PRDM16: variants seen among roughly 807,000 people sequenced by gnomAD.
The protein encoded by PRDM16 is PR/SET domain 16.
In PRDM16, 23 loss-of-function variants were observed where a neutral mutation model predicts 110.6. That is an observed-to-expected ratio of 0.21 (90% CI 0.15 to 0.29). The LOEUF (loss-of-function observed/expected upper bound fraction) is 0.29. Ranked by LOEUF, PRDM16 falls within the 10% of genes least tolerant of loss-of-function variation. PRDM16 has a pLI of 1.00. For missense variants in PRDM16, 1,615 were observed against 1,794.3 expected, an observed-to-expected ratio of 0.90 and a Z score of 1.81; for synonymous variants, 799 against 781.8, an observed-to-expected ratio of 1.02 and a Z score of -0.37.
intron 1 of PRDM16, among the ~76,000 whole-genome samples, chr1:3,117,122 C>T (rs568840749): frequency 6.6e-6 from 1 of 152,316 alleles, no homozygotes; most frequent in African/African-American, 2.4e-5. Context: ...GGAGCCCCTC[C>T]TGCGTGCTCT....
intron 2 of PRDM16, among the ~76,000 whole-genome samples, chr1:3,234,540 C>T (rs979553149): frequency 2.0e-5 from 3 of 152,176 alleles, no homozygotes; most frequent in Non-Finnish European, 4.4e-5. Flanking sequence ...GGCCCTGAGC[C>T]TGTCAGGGTG....
intron 3 of PRDM16, among the ~76,000 whole-genome samples, chr1:3,333,531 G>A (rs1570092031): frequency 1.3e-5 from 2 of 152,184 alleles, no homozygotes; most frequent in Non-Finnish European, 2.9e-5. Flanking sequence ...CACGGTGAGG[G>A]AGGAAAGATC....
At position 3,425,792 on chromosome 1, in the gene PRDM16, G is replaced by T. The variant is rs373393436; in HGVS notation, c.3109+42G>T. On this transcript the variant is annotated intron_variant, in intron 13 of 16. Transcript: ENST00000270722. The surrounding 1 kb of genome is among the most constrained non-coding windows in gnomAD (Gnocchi z 6.9). ...GGGGCAGCCCCCAGAGCACCCACAC[G>T]GGCAGGCCCCACAGAGGGGGAGGGG... is the stretch of plus-strand genomic sequence containing the variant. 12 of 1,608,498 alleles carry T rather than the reference G, an allele frequency of 7.5e-6. No individual in the cohort carries two copies. The highest frequency in any genetic ancestry group is 7.6e-6 in the Non-Finnish European group (9 of 1,176,926).
At chr1:3,240,064 AGG>A (rs1464372202) in intron 2 of PRDM16, among the ~76,000 whole-genome samples, 6 of 65,100 alleles carry the variant, frequency 9.2e-5, no homozygotes, top group Admixed American at 2.8e-4. Flanking sequence ...AGAAGAGGAG[AGG>A]AGAGGAGAGG....
At chr1:3,316,581 G>A (rs967763288) in intron 3 of PRDM16, among the ~76,000 whole-genome samples, 3 of 152,222 alleles carry the variant, frequency 2.0e-5, no homozygotes, top group African/African-American at 7.2e-5. Context: ...CATTGATACA[G>A]GGTAGACAGG....
At chr1:3,139,944 C>G (rs1199746948) in intron 1 of PRDM16, among the ~76,000 whole-genome samples, 1 of 152,256 alleles carries the variant, frequency 6.6e-6, no homozygotes, top group Non-Finnish European at 1.5e-5. Flanking sequence ...TGAGCCCTGA[C>G]AGCCCACTCT....
Position 3,350,272 on chromosome 1 carries a change from G to C in PRDM16, c.439-34880G>C, listed in dbSNP as rs561636541. On this transcript the variant is annotated intron_variant, in intron 3 of 16. Coordinates refer to ENST00000270722, the MANE Select transcript of PRDM16 (RefSeq NM_022114.4). The surrounding 1 kb of genome is among the most constrained non-coding windows in gnomAD (Gnocchi z 7.1). Reference sequence around the variant, plus strand: ...GCTCAGGAGGTCCGGGCTACAGAGAGCTGTGATCACACCACTATACTCCAG... The same window carrying C: ...GCTCAGGAGGTCCGGGCTACAGAGACCTGTGATCACACCACTATACTCCAG... Among the ~76,000 whole-genome samples, 1 of 152,340 alleles carries C rather than the reference G, an allele frequency of 6.6e-6. No homozygotes were observed. The highest frequency in any genetic ancestry group is 1.9e-4 in the East Asian group (1 of 5,178).
At chr1:3,347,031 A>G (rs140749078) in intron 3 of PRDM16, among the ~76,000 whole-genome samples, 101 of 152,248 alleles carry the variant, frequency 6.6e-4, no homozygotes, top group Middle Eastern at 6.8e-3. Context: ...AGCTTGGGAC[A>G]CCCATGAAGT....
chr1:3,387,552 C>T (rs1035373394), intron 4 of PRDM16, among the ~76,000 whole-genome samples: 2 of 152,212 alleles, frequency 1.3e-5, no homozygotes, highest in African/African-American at 4.8e-5. Flanking sequence ...TCATAGGTAG[C>T]ACAGCCGGTG....
At chr1:3,319,272 C>T (rs1393339136) in intron 3 of PRDM16, among the ~76,000 whole-genome samples, 1 of 152,202 alleles carries the variant, frequency 6.6e-6, no homozygotes, top group Non-Finnish European at 1.5e-5. Context: ...TGGGATCCTC[C>T]TCTCCCTTCT....
In PRDM16 at chr1:3,200,488, G is replaced by A. The variant is rs553848146; in HGVS notation, c.387+14014G>A. Among the ~76,000 whole-genome samples, 24 of 152,228 alleles carry A rather than the reference G, an allele frequency of 1.6e-4. No individual in the cohort carries two copies. The South Asian group carries it at 3.3e-3, about 21-fold the overall frequency. On this transcript the variant is annotated intron_variant, in intron 2 of 16. Coordinates refer to ENST00000270722, the MANE Select transcript of PRDM16 (RefSeq NM_022114.4). ...CTCCCGAGTAGCTGGGACTACAGGC[G>A]CCCGCCACCACGCCTGGCTAATTTT...
chr1:3,087,787 C>T (rs909791625), intron 1 of PRDM16, among the ~76,000 whole-genome samples: 3 of 152,112 alleles, frequency 2.0e-5, no homozygotes, highest in Admixed American at 6.5e-5. Context: ...TTTTACTCTT[C>T]TTTTTTTCAC....
At chr1:3,385,908 C>T (rs1045192897) in intron 4 of PRDM16, among the ~76,000 whole-genome samples, 4 of 152,236 alleles carry the variant, frequency 2.6e-5, no homozygotes, top group African/African-American at 9.6e-5. Flanking sequence ...GATCCTTGAC[C>T]TCCACGGCTG....
chr1:3,389,202 G>T (rs759742263), intron 4 of PRDM16, among the ~76,000 whole-genome samples: 1 of 152,200 alleles, frequency 6.6e-6, no homozygotes, highest in Non-Finnish European at 1.5e-5. Context: ...CCCGGAGCTT[G>T]AAAAGGCTCA....
intron 2 of PRDM16, among the ~76,000 whole-genome samples, chr1:3,210,510 G>A (rs901070202): frequency 1.4e-4 from 22 of 152,362 alleles, no homozygotes; most frequent in African/African-American, 3.8e-4. Context: ...CTGTGCACGC[G>A]TGTGACTTTC....
At chr1:3,421,933 C>CAGACAGACAGGCAGGCGGACAGACAGGA (rs1365159946) in intron 12 of PRDM16, among the ~76,000 whole-genome samples, 1 of 53,470 alleles carries the variant, frequency 1.9e-5, no homozygotes, top group Non-Finnish European at 6.1e-5. Flanking sequence ...GACAGGCAGG[C>CAGACAGACAGGCAGGCGGACAGACAGGA]AGACAGACAG....
At chr1:3,181,184 G>GTCTTACGGTCTTACACACA (rs1644163406) in intron 1 of PRDM16, among the ~76,000 whole-genome samples, 1 of 123,412 alleles carries the variant, frequency 8.1e-6, no homozygotes, top group Non-Finnish European at 1.7e-5. Flanking sequence ...TCTTACACAC[G>GTCTTACGGTCTTACACACA]CAGTCTTACG....
intron 1 of PRDM16, among the ~76,000 whole-genome samples, chr1:3,117,635 T>G (rs116383753): frequency 0.015 from 2,236 of 151,746 alleles, 64 homozygotes; most frequent in African/African-American, 0.051. Flanking sequence ...ATCTCCAGGG[T>G]GAGGAGCAGA....
intron 3 of PRDM16, among the ~76,000 whole-genome samples, chr1:3,318,846 A>G (rs1363659588): frequency 1.3e-5 from 2 of 152,268 alleles, no homozygotes; most frequent in Admixed American, 1.3e-4. Context: ...ATAAAAAGTA[A>G]TAAAAACGCC....
Sources: allele counts gnomAD v4.1 joint callset (sites outside exome capture counted in the v4.1 genomes callset), GRCh38; gene constraint gnomAD v4.1.1; non-coding constraint Gnocchi (gnomAD v3.1); transcripts MANE v1.5; gene names NCBI Gene and HGNC (gene_info 2026-07-23, HGNC 2026-07-21).